Variants in SORCS1 observed in about 807,000 individuals in gnomAD.
SORCS1 encodes the protein sortilin related VPS10 domain containing receptor 1.
Under a neutral mutation model 146.1 loss-of-function variants are expected in SORCS1, and 60 were observed. The observed-to-expected ratio is 0.41, with a 90% CI of 0.33 to 0.51. The LOEUF (loss-of-function observed/expected upper bound fraction) is 0.51. Ranked by LOEUF, SORCS1 falls within the 20% of genes least tolerant of loss-of-function variation. The pLI, the probability that SORCS1 is intolerant of heterozygous loss-of-function variation, is 0.21. For missense variants in SORCS1, 1,352 were observed against 1,487.6 expected (o/e 0.91, Z 1.50); for synonymous variants, 637 against 584.0 (o/e 1.09, Z -1.31).
chr10:106,852,558 G>A (rs1949627338), intron 2 of SORCS1, among the ~76,000 whole-genome samples: 1 of 150,754 alleles, frequency 6.6e-6, no homozygotes, highest in Non-Finnish European at 1.5e-5. Context: ...AACCTGGGAG[G>A]TGGAGTTTGT....
Position 106,947,123 on chromosome 10 carries a change from A to G in SORCS1, c.626+9390T>C, listed in dbSNP as rs116221060. On this transcript the variant is annotated intron_variant, in intron 2 of 25. Transcript: ENST00000263054. ...GATCAAGACATCACTTTCATCCAAA[A>G]TACTGATTTAAAAGTTACGTATTGA... Among the ~76,000 whole-genome samples the G allele has an allele frequency of 5.5e-3, 837 of 152,304 alleles. 9 individuals are homozygous for G. Among genetic ancestry groups the G allele is most frequent in the African/African-American group, 0.018 (761 of 41,566 alleles).
chr10:106,730,255 A>G (rs1856499085), intron 5 of SORCS1, 141 bp from the exon 6 acceptor site: 1 of 673,686 alleles, frequency 1.5e-6, no homozygotes, highest in East Asian at 2.7e-5. Flanking sequence ...TACTCTATGT[A>G]TTTATACAGC....
At position 106,848,992 on chromosome 10, in the gene SORCS1, G is replaced by A. The variant is rs992474394; in HGVS notation, c.627-19319C>T. On this transcript the variant is annotated intron_variant, in intron 2 of 25. Coordinates refer to ENST00000263054, the MANE Select transcript of SORCS1 (RefSeq NM_052918.5). Reference sequence around the variant, plus strand: ...ATGGGCTTCCCTTTGAGGGTAACCCGACCTTTCTCTCTGACTGCCCTTAAC... The same window carrying A: ...ATGGGCTTCCCTTTGAGGGTAACCCAACCTTTCTCTCTGACTGCCCTTAAC... Among the ~76,000 whole-genome samples, 155 of 151,130 alleles carry A rather than the reference G, an allele frequency of 1.0e-3. 2 individuals are homozygous for A. Among genetic ancestry groups the A allele is most frequent in the African/African-American group, 3.7e-3 (153 of 41,274 alleles).
chr10:107,100,476 T>C (rs1964843292), intron 1 of SORCS1, among the ~76,000 whole-genome samples: 1 of 151,010 alleles, frequency 6.6e-6, no homozygotes, highest in African/African-American at 2.4e-5. Context: ...ATCTCACCAC[T>C]GCACTCCAGC....
chr10:106,676,631 C>CCT (rs1332330835), intron 13 of SORCS1, among the ~76,000 whole-genome samples: 14 of 150,518 alleles, frequency 9.3e-5, no homozygotes, highest in African/African-American at 2.7e-4. Flanking sequence ...TAAAACTCTC[C>CCT]CTCTCTCTCT....
chr10:107,078,181 T>G (rs1963040482), intron 1 of SORCS1, among the ~76,000 whole-genome samples: 2 of 152,204 alleles, frequency 1.3e-5, no homozygotes, highest in Non-Finnish European at 2.9e-5. Flanking sequence ...TTTTCAGTAA[T>G]TCACCAATAA....
chr10:106,591,494 G>T (rs1350584920), intron 24 of SORCS1, among the ~76,000 whole-genome samples: 1 of 152,200 alleles, frequency 6.6e-6, no homozygotes, highest in African/African-American at 2.4e-5. Context: ...AACTGGATCT[G>T]AAGGTTAACT....
intron 19 of SORCS1, among the ~76,000 whole-genome samples, chr10:106,625,075 C>G (rs1848008047): frequency 6.6e-6 from 1 of 152,188 alleles, no homozygotes; most frequent in African/African-American, 2.4e-5. Context: ...TATGAATCTT[C>G]CTGGAAAGGT....
At chr10:106,747,555 CTCAG>C (rs1243643884) in intron 5 of SORCS1, among the ~76,000 whole-genome samples, 2 of 152,166 alleles carry the variant, frequency 1.3e-5, no homozygotes, top group Non-Finnish European at 2.9e-5. Flanking sequence ...TTCTTTTGTG[CTCAG>C]TCAAATAAGT....
intron 3 of SORCS1, 92 bp downstream of exon 3, chr10:106,829,482 C>G (rs1948446693): frequency 1.3e-6 from 1 of 796,406 alleles, no homozygotes; most frequent in Non-Finnish European, 2.1e-6. Flanking sequence ...CCCAGATTAA[C>G]TGTAATGGAT....
At chr10:106,773,185 A>T (rs894042949) in intron 4 of SORCS1, among the ~76,000 whole-genome samples, 12 of 152,242 alleles carry the variant, frequency 7.9e-5, no homozygotes, top group Non-Finnish European at 1.2e-4. Flanking sequence ...TGCAGCAGTG[A>T]CATTAGCAGC....
At position 106,699,122 on chromosome 10, in the gene SORCS1, A is replaced by AT. The variant is rs1589688792; in HGVS notation, c.1413+91dup. On this transcript the variant is annotated intron_variant, in intron 9 of 25. Transcript: ENST00000263054. ...GAAATGAGGCCACATAAGGAACTGT[A>AT]TTAAAATGACCAGGAAAAGAGTCCA... The AT allele has an allele frequency of 2.5e-6, 3 of 1,198,464 alleles. No individual in the cohort carries two copies. In the East Asian group the frequency reaches 7.5e-5, roughly 30 times the overall value. 74.2% of individuals were successfully genotyped at this position (1,198,464 alleles called of 1,614,324 possible).
intron 1 of SORCS1, among the ~76,000 whole-genome samples, chr10:107,008,313 A>ATTAT (rs1409320405): frequency 7.9e-5 from 12 of 152,360 alleles, no homozygotes; most frequent in African/African-American, 2.9e-4. Context: ...AATTATGCAA[A>ATTAT]GCAGTGTTCA....
At chr10:107,016,889 C>T (rs1368858505) in intron 1 of SORCS1, among the ~76,000 whole-genome samples, 1 of 152,150 alleles carries the variant, frequency 6.6e-6, no homozygotes, top group African/African-American at 2.4e-5. Flanking sequence ...GAGAGCTAAA[C>T]AGCTAATAAT....
intron 20 of SORCS1, among the ~76,000 whole-genome samples, chr10:106,618,636 G>T (rs992668230): frequency 6.6e-6 from 1 of 152,078 alleles, no homozygotes; most frequent in East Asian, 1.9e-4. Flanking sequence ...ATGAGAACGG[G>T]GGCTCATATT....
intron 19 of SORCS1, among the ~76,000 whole-genome samples, chr10:106,624,703 T>C (rs1276462250): frequency 6.6e-6 from 1 of 152,264 alleles, no homozygotes; most frequent in Non-Finnish European, 1.5e-5. Flanking sequence ...CATAGTACGT[T>C]GGCCTTGTAG....
chr10:106,924,203 G>T (rs150162261), intron 2 of SORCS1, among the ~76,000 whole-genome samples: 38 of 146,590 alleles, frequency 2.6e-4, no homozygotes, highest in Admixed American at 5.6e-4. Flanking sequence ...GCAGTGAGCC[G>T]AAATCGTGCC....
intron 1 of SORCS1, among the ~76,000 whole-genome samples, chr10:107,035,270 A>AAC (rs1253666630): frequency 2.1e-5 from 3 of 140,624 alleles, no homozygotes; most frequent in South Asian, 2.2e-4. Flanking sequence ...TTCAAAAAAA[A>AAC]AAAAACAACA....
intron 1 of SORCS1, among the ~76,000 whole-genome samples, chr10:107,083,917 T>C (rs1963545461): frequency 6.6e-6 from 1 of 152,042 alleles, no homozygotes; most frequent in African/African-American, 2.4e-5. Context: ...TAAGGTGAAA[T>C]GTATGGAATG....
Sources: gnomAD v4.1 joint callset for allele counts (sites outside exome capture counted in the v4.1 genomes callset) on GRCh38, gnomAD v4.1.1 for gene constraint, MANE v1.5 for transcripts, NCBI Gene and HGNC (gene_info 2026-07-23, HGNC 2026-07-21) for gene names.